HECTD4: variants seen among roughly 807,000 people sequenced by gnomAD.
HECTD4 encodes probable E3 ubiquitin-protein ligase HECTD4.
In HECTD4, 114 loss-of-function variants were observed where a neutral mutation model predicts 471.5. The observed-to-expected ratio is 0.24, with a 90% CI of 0.21 to 0.28. The LOEUF (loss-of-function observed/expected upper bound fraction) is 0.28. Among genes scored for constraint, HECTD4 ranks in the 10% least tolerant of loss-of-function variants. The pLI is 1.00. For synonymous variants in HECTD4, 2,012 were observed against 2,256.0 expected (o/e 0.89, Z 3.07); for missense variants, 3,866 against 5,651.5 (o/e 0.68, Z 10.13).
At position 112,204,523 on chromosome 12, in the gene HECTD4, G is replaced by A. The variant is rs564756313; in HGVS notation, c.8232C>T (p.Asp2744=). ...LYLPTIEDIK[D]EANKFTIDKV... is the part of the protein sequence containing the mutation. ...TATCAATTGTGAACTTGTTTGCTTC[G>A]TCTTTAATGTCTTCAATGGTGGGAA... Residue 2744 remains aspartate, a synonymous_variant, in exon 53 of 76, where the codon GAC becomes GAT. Transcript: ENST00000682272. 6 of 1,613,608 alleles carry A rather than the reference G, an allele frequency of 3.7e-6. No individual in the cohort carries two copies. The highest frequency in any genetic ancestry group is 4.2e-6 in the Non-Finnish European group (5 of 1,179,648).
chr12:112,349,691 C>T lies in HECTD4; in HGVS notation c.178-29949G>A, dbSNP rs1388404059. On this transcript the variant is annotated intron_variant, in intron 1 of 75. Coordinates refer to ENST00000682272, the MANE Select transcript of HECTD4 (RefSeq NM_001388303.1). Reference sequence around the variant, plus strand: ...ACTACGGCAGTACAAATATGGTGGTCAGCAGGAAATACATTATTCTTAATT... The same window carrying T: ...ACTACGGCAGTACAAATATGGTGGTTAGCAGGAAATACATTATTCTTAATT... Among the ~76,000 whole-genome samples, 11 of 151,848 alleles carry T rather than the reference C, an allele frequency of 7.2e-5. No homozygotes were observed. The East Asian group carries it at 1.9e-3, about 27-fold the overall frequency.
In HECTD4 at chr12:112,207,116, G is replaced by GTGTGTGTA. The variant is rs1555250152; in HGVS notation, c.8131+757_8131+758insTACACACA. 7.5e-3 allele frequency among the ~76,000 whole-genome samples: 1,110 copies of GTGTGTGTA among 147,422 alleles called. 31 individuals are homozygous for GTGTGTGTA. Among genetic ancestry groups the GTGTGTGTA allele is most frequent in the East Asian group, 0.063 (322 of 5,072 alleles). On this transcript the variant is annotated intron_variant, in intron 52 of 75. Coordinates refer to ENST00000682272, the MANE Select transcript of HECTD4 (RefSeq NM_001388303.1). ...TGTTTGTTTATGTATATGTGTGTGT[G>GTGTGTGTA]TGTATGTATGTATGTATGTATGTAT... is the stretch of plus-strand genomic sequence containing the variant.
rs2032144922 is a variant in HECTD4, at chr12:112,193,377, G to A, written c.8955+92C>T. The A allele has an allele frequency of 3.6e-6, 5 of 1,371,900 alleles. No individual in the cohort carries two copies. The South Asian group carries it at 6.3e-5, about 17-fold the overall frequency. 85.0% of individuals were successfully genotyped at this position (1,371,900 alleles called of 1,614,324 possible). ...GGAAATCGAGAGGAATAGGGACTTG[G>A]AAGGGAAAGGGGAGTCATTTTCAGC... On this transcript the variant is annotated intron_variant, in intron 57 of 75. Transcript: ENST00000682272. The surrounding 1 kb of genome is among the most constrained non-coding windows in gnomAD (Gnocchi z 5.2).
At chr12:112,219,294 C>T in intron 45 of HECTD4, 92 bp downstream of exon 45, 2 of 873,072 alleles carry the variant, frequency 2.3e-6, no homozygotes, top group Admixed American at 5.0e-5. Flanking sequence ...GCTTTGCAAA[C>T]ACTTATTCTA....
intron 59 of HECTD4, among the ~76,000 whole-genome samples, chr12:112,191,876 A>G (rs1048384831): frequency 3.9e-5 from 6 of 152,204 alleles, no homozygotes; most frequent in Non-Finnish European, 7.3e-5. Flanking sequence ...ATTTTGGCTA[A>G]AAGTTCACAT....
intron 32 of HECTD4, among the ~76,000 whole-genome samples, chr12:112,241,715 C>A (rs552724700): frequency 2.0e-5 from 3 of 152,286 alleles, no homozygotes; most frequent in Non-Finnish European, 2.9e-5. Context: ...CTGCTTTGGC[C>A]TCCTTAAGTG....
At chr12:112,260,629 T>C (rs994083107) in intron 18 of HECTD4, among the ~76,000 whole-genome samples, 4 of 150,992 alleles carry the variant, frequency 2.6e-5, no homozygotes, top group African/African-American at 9.7e-5. Flanking sequence ...CAGGCTGGAG[T>C]GCAGTGGGAT....
rs1378005935 is a variant in HECTD4, at chr12:112,184,564, T to C, written c.10402A>G (p.Ser3468Gly). The C allele has an allele frequency of 1.9e-6, 3 of 1,613,456 alleles. No individual in the cohort carries two copies. The highest frequency in any genetic ancestry group is 2.5e-6 in the Non-Finnish European group (3 of 1,179,876). Residue 3468 changes from serine (S) to glycine (G), a missense_variant, in exon 61 of 76, where the codon AGC becomes GGC. By Grantham distance (56) the Ser-to-Gly change is moderately conservative. Coordinates refer to ENST00000682272, the MANE Select transcript of HECTD4 (RefSeq NM_001388303.1). The surrounding 1 kb of genome is among the most constrained non-coding windows in gnomAD (Gnocchi z 9.1). ...CTGCTGGACGTGCTGACCTCCATGC[T>C]GTCTGTGCCGGGGAAGGCCAGTGTC... ...EKTLAFPGTD[S>G]MEVSTSSSLT...
intron 2 of HECTD4, among the ~76,000 whole-genome samples, chr12:112,318,949 T>C (rs1350728093): frequency 6.6e-6 from 1 of 152,228 alleles, no homozygotes; most frequent in Non-Finnish European, 1.5e-5. Flanking sequence ...CAATTAGATA[T>C]GTCAAGGGTT....
In HECTD4 at chr12:112,193,811, CAG is replaced by C; in HGVS notation, c.8750-139_8750-138del. 1.4e-6 allele frequency: 1 copy of C among 723,304 alleles called. No homozygotes were observed. Among genetic ancestry groups the C allele is most frequent in the Non-Finnish European group, 2.3e-6 (1 of 426,326 alleles). 44.8% of individuals were successfully genotyped at this position (723,304 alleles called of 1,614,324 possible). ...ATCCTGGATATGATGTCCTGGATAA[CAG>C]ATGCCGGCAATCAGATCCTCTGCAC... On this transcript the variant is annotated intron_variant, in intron 56 of 75. Coordinates refer to ENST00000682272, the MANE Select transcript of HECTD4 (RefSeq NM_001388303.1). This position sits in a 1 kb window ranked among gnomAD's most constrained non-coding sequence, Gnocchi z 5.2.
chr12:112,197,334 A>T (rs1445835427), intron 55 of HECTD4, among the ~76,000 whole-genome samples: 1 of 152,062 alleles, frequency 6.6e-6, no homozygotes, highest in Non-Finnish European at 1.5e-5. Flanking sequence ...TAAAAAAAAA[A>T]TTTGAGACAA....
Position 112,235,179 on chromosome 12 carries a change from T to C in HECTD4, c.5813A>G (p.Lys1938Arg). 6.2e-7 allele frequency: 1 copy of C among 1,613,970 alleles called. No individual in the cohort carries two copies. The highest frequency in any genetic ancestry group is 8.5e-7 in the Non-Finnish European group (1 of 1,179,870). Residue 1938 changes from lysine to arginine, a missense_variant, in exon 37 of 76, where the codon AAA becomes AGA. This residue lies in a region of HECTD4 where 617 missense variants were observed against 915.1 expected (regional missense o/e 0.67). Transcript: ENST00000682272. This position sits in a 1 kb window ranked among gnomAD's most constrained non-coding sequence, Gnocchi z 5.0. ...AGCCTCACTCTCTTCTCCAGGATCT[T>C]TATCTCCTTTCAAGGAATTCTTGGG... ...TSPKNSLKGD[K>R]DPGEESEAVD...
At chr12:112,277,522 C>T (rs1056643912) in intron 9 of HECTD4, among the ~76,000 whole-genome samples, 9 of 152,176 alleles carry the variant, frequency 5.9e-5, no homozygotes, top group Non-Finnish European at 1.2e-4. Flanking sequence ...GCCTCAGTGA[C>T]CACGTAGTGA....
chr12:112,318,833 G>A (rs1275997589), intron 2 of HECTD4, among the ~76,000 whole-genome samples: 1 of 152,170 alleles, frequency 6.6e-6, no homozygotes, highest in African/African-American at 2.4e-5. Flanking sequence ...TTATAGACAG[G>A]TATGAAAAAT....
intron 22 of HECTD4, 31 bp downstream of exon 22, chr12:112,254,012 T>C (rs1429309649): frequency 1.9e-6 from 3 of 1,611,310 alleles, no homozygotes; most frequent in Admixed American, 1.7e-5. Flanking sequence ...CATTTTCTTT[T>C]CTAGGAAGCG....
chr12:112,335,143 T>TAC (rs144839031), intron 1 of HECTD4, among the ~76,000 whole-genome samples: 2,545 of 146,874 alleles, frequency 0.017, 19 homozygotes, highest in Non-Finnish European at 0.023. Flanking sequence ...GAAACTGTGA[T>TAC]ACACACACAC....
In HECTD4 at chr12:112,210,063, T is replaced by C. The variant is rs780448813; in HGVS notation, c.7819A>G (p.Thr2607Ala). Residue 2607 changes from threonine (T) to alanine (A), a missense_variant, in exon 50 of 76, where the codon ACT becomes GCT. Around this residue, in one of 16 missense-constraint regions of HECTD4, gnomAD observed 266 missense variants for 441.6 expected, o/e 0.60. Transcript: ENST00000682272. The part of the protein sequence containing the change: ...AGTSIASDPG[T>A]HGPPCRIAAV... ...GCAATCCGGCATGGTGGCCCATGAG[T>C]GCCTGGGTCTGATGCAATACTGGTG... 8 of 1,613,830 alleles carry C rather than the reference T, an allele frequency of 5.0e-6. No individual in the cohort carries two copies. Among genetic ancestry groups the C allele is most frequent in the Non-Finnish European group, 6.8e-6 (8 of 1,179,882 alleles).
intron 50 of HECTD4, among the ~76,000 whole-genome samples, chr12:112,209,268 T>C: frequency 6.6e-6 from 1 of 152,152 alleles, no homozygotes; most frequent in Admixed American, 6.5e-5. Context: ...CAGACATCCT[T>C]ACTTTGGTGA....
chr12:112,184,340 G>A lies in HECTD4; in HGVS notation c.10626C>T (p.Ser3542=), dbSNP rs748297715. The part of the protein sequence containing the change: ...SQESLDISLC[S]TGSLGSLGSL... The stretch of plus-strand genomic sequence containing the variant: ...TGCCCAGGCTGCCCAGGCTGCCGGT[G>A]CTGCACAGGGAAATGTCCAGGCTTT... The change falls in exon 61 of 76, where the codon AGC becomes AGT. Residue 3542 remains serine, a synonymous_variant. Coordinates refer to ENST00000682272, the MANE Select transcript of HECTD4 (RefSeq NM_001388303.1). The surrounding 1 kb of genome is among the most constrained non-coding windows in gnomAD (Gnocchi z 9.1). 10 of 1,612,884 alleles carry A rather than the reference G, an allele frequency of 6.2e-6. No individual in the cohort carries two copies. The highest frequency in any genetic ancestry group is 7.6e-6 in the Non-Finnish European group (9 of 1,179,790).
Sources: allele counts gnomAD v4.1 joint callset (sites outside exome capture counted in the v4.1 genomes callset), GRCh38; gene constraint gnomAD v4.1.1; regional missense constraint gnomAD v4.1.1; non-coding constraint Gnocchi (gnomAD v3.1); transcripts MANE v1.5; gene names NCBI Gene and HGNC (gene_info 2026-07-23, HGNC 2026-07-21).